The following RYR3 variants were observed in gnomAD, a reference collection of about 807,000 sequenced individuals.
RYR3 encodes the protein ryanodine receptor 3, also known as brain ryanodine receptor-calcium release channel.
RYR3 carries 207 observed loss-of-function variants against 584.3 expected under a neutral mutation model. That is an observed-to-expected ratio of 0.35 (90% CI 0.32 to 0.40). The LOEUF (loss-of-function observed/expected upper bound fraction) is 0.40. RYR3 is among the 10% of genes least tolerant of loss of function. The probability of loss-of-function intolerance (pLI) is 1.00; values close to 1 mark genes in which losing one functional copy is unlikely to be tolerated. For missense variants in RYR3, 5,616 were observed against 6,089.2 expected, an observed-to-expected ratio of 0.92 and a Z score of 2.59; for synonymous variants, 2,416 against 2,248.5, an observed-to-expected ratio of 1.07 and a Z score of -2.11.
At chr15:33,391,468 T>TA (rs1319384030) in intron 1 of RYR3, among the ~76,000 whole-genome samples, 5 of 151,264 alleles carry the variant, frequency 3.3e-5, no homozygotes, top group South Asian at 2.1e-4. Flanking sequence ...TCTACTAAAA[T>TA]AAAAAAAATT....
chr15:33,819,089 C>T (rs1007189698), intron 76 of RYR3, among the ~76,000 whole-genome samples: 23 of 152,126 alleles, frequency 1.5e-4, no homozygotes, highest in Non-Finnish European at 2.5e-4. Flanking sequence ...CACCACTGCA[C>T]TCCAGCCTGG....
At chr15:33,511,591 T>C (rs1272535136) in intron 3 of RYR3, among the ~76,000 whole-genome samples, 1 of 147,114 alleles carries the variant, frequency 6.8e-6, no homozygotes, top group Admixed American at 6.8e-5. Flanking sequence ...TTTCCATTCT[T>C]TGTGTCTCTG....
At position 33,838,002 on chromosome 15, in the gene RYR3, G is replaced by A. The variant is rs756925363; in HGVS notation, c.12022G>A (p.Asp4008Asn). The change falls in exon 89 of 104, where the codon GAT (aspartate) becomes AAT (asparagine). Residue 4008 changes from aspartate (D) to asparagine (N), a missense_variant. By Grantham distance (23) the Asp-to-Asn change is conservative. Transcript: ENST00000634891. ...LTNLSEHMPN[D>N]SRLKCLLDPA... ...AAATCTTTCTGAACACATGCCAAACGATTCCCGCCTGAAGTGTCTGTTGGA... is the reference window on the plus strand; with the variant it reads ...AAATCTTTCTGAACACATGCCAAACAATTCCCGCCTGAAGTGTCTGTTGGA... The A allele has an allele frequency of 4.3e-6, 7 of 1,613,882 alleles. No individual in the cohort carries two copies. Among genetic ancestry groups the A allele is most frequent in the African/African-American group, 4.0e-5 (3 of 74,916 alleles).
chr15:33,795,731 A>G (rs2075574760), intron 67 of RYR3, among the ~76,000 whole-genome samples: 1 of 151,906 alleles, frequency 6.6e-6, no homozygotes, highest in Non-Finnish European at 1.5e-5. Flanking sequence ...GGGTTTCACC[A>G]TGTTGGCCAG....
chr15:33,579,923 C>A, intron 12 of RYR3, 53 bp from the exon 13 acceptor site: 1 of 1,466,146 alleles, frequency 6.8e-7, no homozygotes, highest in Non-Finnish European at 9.3e-7. Context: ...GGGTGTTCAT[C>A]AGGGCCCTGC....
intron 1 of RYR3, among the ~76,000 whole-genome samples, chr15:33,423,184 T>C (rs956384821): frequency 1.3e-5 from 2 of 152,156 alleles, no homozygotes; most frequent in African/African-American, 4.8e-5. Flanking sequence ...CCCCTGGTAA[T>C]CTCAAATCTA....
chr15:33,619,985 C>A (rs2060637986), intron 19 of RYR3, among the ~76,000 whole-genome samples: 1 of 152,292 alleles, frequency 6.6e-6, no homozygotes, highest in African/African-American at 2.4e-5. Flanking sequence ...CTTACCACTT[C>A]TGTTGGCTGC....
intron 3 of RYR3, among the ~76,000 whole-genome samples, chr15:33,524,172 T>A (rs1189819402): frequency 6.6e-6 from 1 of 152,186 alleles, no homozygotes; most frequent in Non-Finnish European, 1.5e-5. Context: ...ATAGTAATAG[T>A]GTTAAAGAAA....
intron 103 of RYR3, 188 bp from the exon 104 acceptor site, chr15:33,864,943 C>T: frequency 1.9e-6 from 1 of 540,442 alleles, no homozygotes; most frequent in Non-Finnish European, 3.3e-6. Flanking sequence ...CAGCATGTGT[C>T]AGAGAGACAT....
chr15:33,581,669 C>T (rs1177235738), intron 14 of RYR3, 26 bp downstream of exon 14: 3 of 1,604,040 alleles, frequency 1.9e-6, no homozygotes, highest in African/African-American at 2.7e-5. Flanking sequence ...GTGCCTTCTC[C>T]CTGGGATGAT....
At chr15:33,352,951 G>C (rs1209409215) in intron 1 of RYR3, among the ~76,000 whole-genome samples, 1 of 152,086 alleles carries the variant, frequency 6.6e-6, no homozygotes, top group African/African-American at 2.4e-5. Flanking sequence ...TATGCACTTG[G>C]AAATCTACCC....
chr15:33,499,268 T>G (rs758377569), intron 2 of RYR3, among the ~76,000 whole-genome samples: 11 of 148,412 alleles, frequency 7.4e-5, no homozygotes, highest in Non-Finnish European at 1.3e-4. Flanking sequence ...TTTCCCTCCC[T>G]GTCTTCCATC....
chr15:33,465,933 C>A (rs1349612609), intron 1 of RYR3, among the ~76,000 whole-genome samples: 1 of 152,054 alleles, frequency 6.6e-6, no homozygotes, highest in Non-Finnish European at 1.5e-5. Flanking sequence ...CTCAAGCAAC[C>A]CCAGAGAATA....
At chr15:33,470,743 C>G (rs1467180782) in intron 1 of RYR3, among the ~76,000 whole-genome samples, 6 of 152,112 alleles carry the variant, frequency 3.9e-5, no homozygotes, top group African/African-American at 1.4e-4. Flanking sequence ...GTGGGTAGAA[C>G]AGTAAGGTCC....
intron 9 of RYR3, among the ~76,000 whole-genome samples, chr15:33,549,784 G>C (rs1162789955): frequency 6.6e-6 from 1 of 152,186 alleles, no homozygotes; most frequent in South Asian, 2.1e-4. Flanking sequence ...TTTTAGTTCA[G>C]ATGGCAGGTT....
intron 1 of RYR3, among the ~76,000 whole-genome samples, chr15:33,364,248 G>C (rs1975164888): frequency 6.6e-6 from 1 of 151,800 alleles, no homozygotes; most frequent in African/African-American, 2.4e-5. Flanking sequence ...TTGTATTTCT[G>C]TTGGACCAGG....
intron 103 of RYR3, 175 bp from the exon 104 acceptor site, chr15:33,864,956 C>T (rs781519443): frequency 3.3e-5 from 18 of 552,776 alleles, no homozygotes; most frequent in Non-Finnish European, 5.1e-5. Flanking sequence ...AGAGACATGG[C>T]TTCTTGCTTC....
chr15:33,722,655 A>G, intron 43 of RYR3, 60 bp from the exon 44 acceptor site: 1 of 1,490,580 alleles, frequency 6.7e-7, no homozygotes, highest in Non-Finnish European at 9.3e-7. Flanking sequence ...CTCATCAACT[A>G]GAAATAAATT....
chr15:33,684,208 G>A (rs1035961210), intron 38 of RYR3, among the ~76,000 whole-genome samples: 1 of 152,190 alleles, frequency 6.6e-6, no homozygotes, highest in Admixed American at 6.5e-5. Context: ...CCCCCATGTA[G>A]CCTAACTGGG....
Sources: gnomAD v4.1 joint callset for allele counts (sites outside exome capture counted in the v4.1 genomes callset) on GRCh38, gnomAD v4.1.1 for gene constraint, MANE v1.5 for transcripts, NCBI Gene and HGNC (gene_info 2026-07-23, HGNC 2026-07-21) for gene names.